CERS6: variants seen among roughly 807,000 people sequenced by gnomAD.
The protein encoded by CERS6 is ceramide synthase 6.
In CERS6, 26 loss-of-function variants were observed where a neutral mutation model predicts 56.8. That is an observed-to-expected ratio of 0.46 (90% CI 0.34 to 0.63). CERS6 has a LOEUF of 0.63. CERS6 is among the 30% of genes least tolerant of loss of function. The pLI is 0.01. For missense variants in CERS6, 415 were observed against 467.5 expected (o/e 0.89, Z 1.04); for synonymous variants, 164 against 173.3 (o/e 0.95, Z 0.42).
chr2:168,561,057 T>G (rs1574066602), intron 2 of CERS6, 135 bp from the exon 3 acceptor site: 2 of 857,586 alleles, frequency 2.3e-6, no homozygotes. Flanking sequence ...TCCTCAGAGG[T>G]AAATATAGAA....
chr2:168,768,776 C>T (rs1457782101), intron 9 of CERS6, among the ~76,000 whole-genome samples: 2 of 151,664 alleles, frequency 1.3e-5, no homozygotes, highest in Admixed American at 6.6e-5. Flanking sequence ...CATGGTGGCT[C>T]ATGCCTGTAA....
At chr2:168,604,291 G>A (rs1176134294) in intron 3 of CERS6, among the ~76,000 whole-genome samples, 3 of 152,174 alleles carry the variant, frequency 2.0e-5, no homozygotes, top group Non-Finnish European at 2.9e-5. Context: ...ACTTTTGCAA[G>A]GGTATAATTC....
intron 3 of CERS6, among the ~76,000 whole-genome samples, chr2:168,587,816 A>G (rs1168328385): frequency 6.6e-6 from 1 of 151,966 alleles, no homozygotes; most frequent in Non-Finnish European, 1.5e-5. Context: ...ATTTTCTTAA[A>G]TTGCATTTTA....
intron 1 of CERS6, among the ~76,000 whole-genome samples, chr2:168,505,671 A>G (rs1694664903): frequency 6.6e-6 from 1 of 152,174 alleles, no homozygotes; most frequent in South Asian, 2.1e-4. Context: ...AGACTGTTCA[A>G]TTATTAAAGA....
chr2:168,539,742 G>C (rs543993488), intron 1 of CERS6, among the ~76,000 whole-genome samples: 2 of 152,250 alleles, frequency 1.3e-5, no homozygotes, highest in South Asian at 4.1e-4. Context: ...GACGAATATT[G>C]GTAACCAAGG....
chr2:168,635,628 A>T (rs547489363), intron 4 of CERS6, among the ~76,000 whole-genome samples: 103 of 152,268 alleles, frequency 6.8e-4, no homozygotes, highest in Middle Eastern at 3.4e-3. Context: ...TGCATTCTGA[A>T]ATGTACTCTG....
chr2:168,466,735 T>G (rs1402959043), intron 1 of CERS6, among the ~76,000 whole-genome samples: 1 of 152,234 alleles, frequency 6.6e-6, no homozygotes, highest in Non-Finnish European at 1.5e-5. Flanking sequence ...TGGGCTTCTC[T>G]TGGACCACTC....
rs1694051979 is a variant in CERS6, at chr2:168,475,472, TAAA to T, written c.170+18857_170+18859del. Among the ~76,000 whole-genome samples, 5 of 152,114 alleles carry T rather than the reference TAAA, an allele frequency of 3.3e-5. No individual in the cohort carries two copies. The South Asian group carries it at 1.0e-3, about 32-fold the overall frequency. ...ATATCGTGGGATTTATTTTTTCTCA[TAAA>T]AATGTACAGCTTCAAAGTGGTAGAG... On this transcript the variant is annotated intron_variant, in intron 1 of 9. Transcript: ENST00000305747.
At position 168,631,010 on chromosome 2, in the gene CERS6, G is replaced by A; in HGVS notation, c.433G>A (p.Val145Ile). Reference sequence around the variant, plus strand: ...GTGGAGATTTTCATTTTACCTTTATGTATTTACCTACGGAGTCAGATTCCT... The same window carrying A: ...GTGGAGATTTTCATTTTACCTTTATATATTTACCTACGGAGTCAGATTCCT... ...SMWRFSFYLYVFTYGVRFLKK... is the reference protein window; with the variant it reads ...SMWRFSFYLYIFTYGVRFLKK... The change falls in exon 4 of 10, where the codon GTA (valine) becomes ATA (isoleucine). Residue 145 changes from valine to isoleucine, a missense_variant. Coordinates refer to ENST00000305747, the MANE Select transcript of CERS6 (RefSeq NM_203463.3). The A allele has an allele frequency of 6.5e-7, 1 of 1,529,022 alleles. No homozygotes were observed. The highest frequency in any genetic ancestry group is 8.9e-7 in the Non-Finnish European group (1 of 1,122,628). 94.7% of individuals were successfully genotyped at this position (1,529,022 alleles called of 1,614,324 possible). A position where few individuals can be genotyped will look rare whatever the true frequency, so the allele number is the denominator to read the frequency against.
intron 4 of CERS6, among the ~76,000 whole-genome samples, chr2:168,672,322 T>C (rs1393371774): frequency 6.6e-6 from 1 of 152,216 alleles, no homozygotes; most frequent in South Asian, 2.1e-4. Flanking sequence ...AAAAGTATAG[T>C]ATATATACCT....
intron 4 of CERS6, among the ~76,000 whole-genome samples, chr2:168,645,111 A>ATATATATATATATAT (rs1685148190): frequency 1.7e-5 from 1 of 59,436 alleles, no homozygotes; most frequent in Non-Finnish European, 3.3e-5. Flanking sequence ...AAAAAAAAAA[A>ATATATATATATATAT]AAAAAATATA....
chr2:168,558,549 TG>T (rs942314354), intron 2 of CERS6, among the ~76,000 whole-genome samples: 63 of 152,256 alleles, frequency 4.1e-4, no homozygotes, highest in African/African-American at 1.5e-3. Context: ...TATTCAAGTT[TG>T]CTTATATTTG....
chr2:168,529,089 G>A (rs1695121324), intron 1 of CERS6, among the ~76,000 whole-genome samples: 1 of 152,236 alleles, frequency 6.6e-6, no homozygotes, highest in South Asian at 2.1e-4. Context: ...TGTGCCAGGA[G>A]CATGTGCTGT....
At chr2:168,687,629 A>T (rs1574160772) in intron 4 of CERS6, among the ~76,000 whole-genome samples, 1 of 152,196 alleles carries the variant, frequency 6.6e-6, no homozygotes, top group Non-Finnish European at 1.5e-5. Flanking sequence ...AAATACTTTA[A>T]ATCTGTGAAA....
intron 3 of CERS6, among the ~76,000 whole-genome samples, chr2:168,596,082 CAA>C (rs11416261): frequency 2.9e-5 from 4 of 138,858 alleles, no homozygotes; most frequent in Non-Finnish European, 4.6e-5. Flanking sequence ...GACCCTGTCT[CAA>C]AAAAAAAAAA....
intron 3 of CERS6, among the ~76,000 whole-genome samples, chr2:168,588,747 T>G (rs1024933459): frequency 6.6e-6 from 1 of 152,142 alleles, no homozygotes; most frequent in African/African-American, 2.4e-5. Flanking sequence ...CTGCTTTCAG[T>G]TCTTTTGTTT....
At chr2:168,718,049 G>A (rs1687270722) in intron 8 of CERS6, 71 bp downstream of exon 8, 1 of 1,064,796 alleles carries the variant, frequency 9.4e-7, no homozygotes, top group Non-Finnish European at 1.4e-6. Flanking sequence ...TTTTCCTTTT[G>A]AATTTTACTG....
chr2:168,529,093 G>T (rs1039407849), intron 1 of CERS6, among the ~76,000 whole-genome samples: 1 of 152,236 alleles, frequency 6.6e-6, no homozygotes, highest in Non-Finnish European at 1.5e-5. Context: ...CCAGGAGCAT[G>T]TGCTGTCTCA....
chr2:168,582,787 G>T (rs905677764), intron 3 of CERS6, among the ~76,000 whole-genome samples: 1 of 152,098 alleles, frequency 6.6e-6, no homozygotes, highest in African/African-American at 2.4e-5. Context: ...ACAGCTTTAG[G>T]TGCCTGGATT....
Sources: allele counts gnomAD v4.1 joint callset (sites outside exome capture counted in the v4.1 genomes callset), GRCh38; gene constraint gnomAD v4.1.1; transcripts MANE v1.5; gene names NCBI Gene and HGNC (gene_info 2026-07-23, HGNC 2026-07-21).